SLC5A4: variants seen among roughly 807,000 people sequenced by gnomAD.
SLC5A4 encodes probable glucose sensor protein SLC5A4.
Under a neutral mutation model 70.3 loss-of-function variants are expected in SLC5A4, and 55 were observed. The ratio of observed to expected loss-of-function variants is 0.78; its 90% confidence interval spans 0.63 to 0.98. The LOEUF (loss-of-function observed/expected upper bound fraction) is 0.98. Ranked by LOEUF, SLC5A4 falls within the 50% of genes least tolerant of loss-of-function variation. SLC5A4 has a pLI of 0.00. For missense variants in SLC5A4, 735 were observed against 839.2 expected (o/e 0.88, Z 1.53); for synonymous variants, 268 against 305.7 (o/e 0.88, Z 1.29).
At chr22:32,249,515 G>T (rs1422504558) in intron 3 of SLC5A4, among the ~76,000 whole-genome samples, 1 of 152,182 alleles carries the variant, frequency 6.6e-6, no homozygotes. Flanking sequence ...CATATCTGGA[G>T]GCTGGGTCCA....
chr22:32,332,529 G>C, the SLC5A4 span, among the ~76,000 whole-genome samples: 1 of 152,240 alleles, frequency 6.6e-6, no homozygotes, highest in Non-Finnish European at 1.5e-5. Context: ...GCCCAGCTGA[G>C]GGCCTGTCCT....
At chr22:32,299,363 C>A in the SLC5A4 span, among the ~76,000 whole-genome samples, 23 of 144,176 alleles carry the variant, frequency 1.6e-4, no homozygotes, top group African/African-American at 5.4e-4. Flanking sequence ...TCTTTTTATT[C>A]TTTTTTCTCT....
the SLC5A4 span, among the ~76,000 whole-genome samples, chr22:32,304,125 G>A: frequency 6.6e-6 from 1 of 152,068 alleles, no homozygotes; most frequent in Non-Finnish European, 1.5e-5. Context: ...TAATCACGTT[G>A]TTTCCTTTTC....
chr22:32,235,139 G>T, intron 7 of SLC5A4, 46 bp from the exon 8 acceptor site: 1 of 1,387,250 alleles, frequency 7.2e-7, no homozygotes. Context: ...TGAAATCTAA[G>T]ACATCCAATG....
At chr22:32,339,255 T>C in the SLC5A4 span, among the ~76,000 whole-genome samples, 1 of 152,164 alleles carries the variant, frequency 6.6e-6, no homozygotes, top group Admixed American at 6.5e-5. Context: ...CTTCAAATAA[T>C]GGTCGCAACA....
the SLC5A4 span, among the ~76,000 whole-genome samples, chr22:32,302,577 C>CCTAT: frequency 1.3e-5 from 2 of 152,214 alleles, no homozygotes; most frequent in Middle Eastern, 3.4e-3. Context: ...TGTTGGAAAG[C>CCTAT]CTATCTTTCC....
chr22:32,312,571 C>A, the SLC5A4 span, among the ~76,000 whole-genome samples: 1 of 152,050 alleles, frequency 6.6e-6, no homozygotes, highest in Non-Finnish European at 1.5e-5. Flanking sequence ...TCAGAAGCCA[C>A]CAGCCCAAAA....
intron 11 of SLC5A4, among the ~76,000 whole-genome samples, chr22:32,226,383 C>A (rs1238111165): frequency 6.6e-6 from 1 of 152,216 alleles, no homozygotes; most frequent in African/African-American, 2.4e-5. Flanking sequence ...GACTTCTTAA[C>A]CTTTCTAAAC....
At chr22:32,292,298 AGATAT>A in the SLC5A4 span, among the ~76,000 whole-genome samples, 1 of 140,316 alleles carries the variant, frequency 7.1e-6, no homozygotes, top group African/African-American at 2.6e-5. Flanking sequence ...AATATATACT[AGATAT>A]TATATATATT....
At chr22:32,252,367 TG>T (rs1927223208) in intron 2 of SLC5A4, among the ~76,000 whole-genome samples, 1 of 152,174 alleles carries the variant, frequency 6.6e-6, no homozygotes, top group Non-Finnish European at 1.5e-5. Context: ...GAGCCAAGAA[TG>T]TTTTTTTACA....
intron 6 of SLC5A4, 143 bp downstream of exon 6, chr22:32,238,842 G>C: frequency 1.5e-6 from 1 of 651,986 alleles, no homozygotes; most frequent in South Asian, 1.8e-5. Flanking sequence ...TGTGTTTCTG[G>C]TGCTGTGCTT....
At chr22:32,241,115 C>T (rs1356935857) in intron 5 of SLC5A4, among the ~76,000 whole-genome samples, 1 of 152,222 alleles carries the variant, frequency 6.6e-6, no homozygotes, top group Non-Finnish European at 1.5e-5. Flanking sequence ...TGGGAGGAGG[C>T]AGAGAGAAAC....
the SLC5A4 span, among the ~76,000 whole-genome samples, chr22:32,320,585 T>C: frequency 6.6e-6 from 1 of 152,184 alleles, no homozygotes; most frequent in Non-Finnish European, 1.5e-5. Context: ...TCCTGGGTGT[T>C]AGTCATTGAG....
the SLC5A4 span, among the ~76,000 whole-genome samples, chr22:32,310,448 C>T: frequency 1.3e-5 from 2 of 152,208 alleles, no homozygotes; most frequent in Non-Finnish European, 2.9e-5. Flanking sequence ...ACGTGGGACA[C>T]AGCTGTGGCT....
the SLC5A4 span, among the ~76,000 whole-genome samples, chr22:32,290,566 C>G: frequency 2.9e-4 from 44 of 151,940 alleles, no homozygotes; most frequent in Non-Finnish European, 5.7e-4. Flanking sequence ...TAACAATTTC[C>G]TTTTTAGTCC....
At chr22:32,241,839 CTG>C (rs750938000) in intron 5 of SLC5A4, among the ~76,000 whole-genome samples, 9,646 of 113,914 alleles carry the variant, frequency 0.085, 537 homozygotes, top group African/African-American at 0.19. Context: ...ATATATATAT[CTG>C]TGTGTGTGTG....
At chr22:32,221,075 G>A (rs5998317) in intron 13 of SLC5A4, 53 bp from the exon 14 acceptor site, 507,147 of 1,105,942 alleles carry the variant, frequency 0.46, 126,260 homozygotes, top group African/African-American at 0.86. Context: ...GTTTGCAATA[G>A]TATAATAGAA....
At chr22:32,307,772 C>T in the SLC5A4 span, among the ~76,000 whole-genome samples, 2 of 152,160 alleles carry the variant, frequency 1.3e-5, no homozygotes, top group Admixed American at 1.3e-4. Context: ...AGGGCATGGC[C>T]CCAGCCCAGT....
chr22:32,306,730 C>T, the SLC5A4 span, among the ~76,000 whole-genome samples: 3 of 152,150 alleles, frequency 2.0e-5, no homozygotes, highest in Admixed American at 6.5e-5. Flanking sequence ...AGGTCTCCTG[C>T]CTTGTTAAGG....
Sources: gnomAD v4.1 joint callset for allele counts (sites outside exome capture counted in the v4.1 genomes callset) on GRCh38, gnomAD v4.1.1 for gene constraint, MANE v1.5 for transcripts, NCBI Gene and HGNC (gene_info 2026-07-23, HGNC 2026-07-21) for gene names.